The following KCNN2 variants were observed in gnomAD, a reference collection of about 807,000 sequenced individuals.
KCNN2 encodes potassium calcium-activated channel subfamily N member 2, also known as small conductance calcium-activated potassium channel protein 2.
A neutral mutation model predicts 55.5 loss-of-function variants in KCNN2; 24 were observed. The observed-to-expected ratio is 0.43, with a 90% CI of 0.31 to 0.61. KCNN2 has a LOEUF of 0.61. Among genes scored for constraint, KCNN2 ranks in the 20% least tolerant of loss-of-function variants. The pLI is 0.08. For missense variants in KCNN2, 754 were observed against 853.6 expected, an observed-to-expected ratio of 0.88 and a Z score of 1.45; for synonymous variants, 431 against 336.1, an observed-to-expected ratio of 1.28 and a Z score of -3.09.
chr5:114,349,238 G>T (rs368229075), intron 2 of KCNN2, among the ~76,000 whole-genome samples: 1 of 151,974 alleles, frequency 6.6e-6, no homozygotes, highest in African/African-American at 2.4e-5. Context: ...GACTTCATTG[G>T]TTTTTACTGG....
chr5:114,107,206 T>C (rs1167423983), intron 1 of KCNN2, among the ~76,000 whole-genome samples: 1 of 152,110 alleles, frequency 6.6e-6, no homozygotes, highest in Non-Finnish European at 1.5e-5. Flanking sequence ...TAATCATACA[T>C]GTTTGAGGCT....
At chr5:114,260,297 C>T (rs1273768612) in intron 2 of KCNN2, among the ~76,000 whole-genome samples, 1 of 152,196 alleles carries the variant, frequency 6.6e-6, no homozygotes, top group African/African-American at 2.4e-5. Flanking sequence ...ATATCAGTGC[C>T]ATTCCCTGGC....
In KCNN2 at chr5:114,246,579, A is replaced by C. The variant is rs571456556; in HGVS notation, c.-185+25014A>C. Among the ~76,000 whole-genome samples, 6 of 151,790 alleles carry C rather than the reference A, an allele frequency of 4.0e-5. No individual in the cohort carries two copies. In the East Asian group the frequency reaches 1.2e-3, roughly 29 times the overall value. Reference sequence around the variant, plus strand: ...ACATTACCATTATATAAAAGTAAAAAAACTAACATTGGTATCGTACTTTTA... The same window carrying C: ...ACATTACCATTATATAAAAGTAAAACAACTAACATTGGTATCGTACTTTTA... On this transcript the variant is annotated intron_variant, in intron 2 of 10. Transcript: ENST00000512097.
chr5:114,063,499 C>G (rs1750375009), intron 1 of KCNN2, among the ~76,000 whole-genome samples: 2 of 152,054 alleles, frequency 1.3e-5, no homozygotes, highest in South Asian at 4.2e-4. Flanking sequence ...AGAGAACCAC[C>G]CCCCCTCCAA....
At position 114,479,448 on chromosome 5, in the gene KCNN2, C is replaced by T. The variant is rs1306479256; in HGVS notation, c.1890+6284C>T. ...GGACCTACAAAGAGACATTGACTTC[C>T]ACACAATAATAGGAGACTTTAATAC... On this transcript the variant is annotated intron_variant, in intron 5 of 7. Transcript: ENST00000673685. Among the ~76,000 whole-genome samples, 22 of 152,158 alleles carry T rather than the reference C, an allele frequency of 1.4e-4. 1 individual carries two copies. Among genetic ancestry groups the T allele is most frequent in the Admixed American group, 1.4e-3 (22 of 15,270 alleles).
At chr5:114,454,294 T>C (rs1188526635) in intron 3 of KCNN2, among the ~76,000 whole-genome samples, 2 of 152,130 alleles carry the variant, frequency 1.3e-5, no homozygotes, top group Non-Finnish European at 2.9e-5. Context: ...CTTTCTTTCT[T>C]CCTCCCTCCT....
At chr5:114,423,016 T>G (rs143252400) in intron 3 of KCNN2, among the ~76,000 whole-genome samples, 234 of 152,352 alleles carry the variant, frequency 1.5e-3, no homozygotes, top group African/African-American at 5.4e-3. Flanking sequence ...TCCCAGCACA[T>G]AAGCTGGCAC....
chr5:114,469,745 T>C (rs1761631040), intron 4 of KCNN2, among the ~76,000 whole-genome samples: 1 of 152,206 alleles, frequency 6.6e-6, no homozygotes, highest in Admixed American at 6.5e-5. Context: ...ACCATGAATA[T>C]GTTGGCAGGA....
chr5:114,182,817 A>G (rs1237628797), intron 1 of KCNN2, among the ~76,000 whole-genome samples: 3 of 152,128 alleles, frequency 2.0e-5, no homozygotes, highest in African/African-American at 4.8e-5. Context: ...GCATATAGTG[A>G]TAGTTTTACT....
intron 1 of KCNN2, among the ~76,000 whole-genome samples, chr5:114,098,483 A>G (rs929687985): frequency 6.6e-6 from 1 of 152,074 alleles, no homozygotes; most frequent in Admixed American, 6.6e-5. Context: ...AGATTCTCAC[A>G]GGAACATGAA....
chr5:114,107,803 C>T (rs948503848), intron 1 of KCNN2, among the ~76,000 whole-genome samples: 3 of 151,998 alleles, frequency 2.0e-5, no homozygotes, highest in Non-Finnish European at 2.9e-5. Flanking sequence ...AATTTGGAAT[C>T]AATTGACAAC....
intron 2 of KCNN2, among the ~76,000 whole-genome samples, chr5:114,302,891 T>G (rs1380711342): frequency 6.6e-6 from 1 of 152,148 alleles, no homozygotes; most frequent in East Asian, 1.9e-4. Flanking sequence ...AGGAGAGAGA[T>G]AACACAAGCC....
chr5:114,269,549 C>A (rs1260891295), intron 2 of KCNN2, among the ~76,000 whole-genome samples: 1 of 149,646 alleles, frequency 6.7e-6, no homozygotes, highest in East Asian at 2.0e-4. Context: ...GACTCTAGAA[C>A]TGCTGAACAC....
intron 4 of KCNN2, among the ~76,000 whole-genome samples, chr5:114,470,135 C>G (rs548466269): frequency 3.1e-4 from 47 of 152,204 alleles, no homozygotes; most frequent in Non-Finnish European, 4.7e-4. Flanking sequence ...AAGAATGGAG[C>G]CTGAGAATAA....
intron 2 of KCNN2, among the ~76,000 whole-genome samples, chr5:114,266,991 CCTTTTTT>C (rs1230023603): frequency 1.0e-4 from 11 of 108,778 alleles, no homozygotes; most frequent in Non-Finnish European, 1.6e-4. Context: ...CCCCTTCCCT[CCTTTTTT>C]TTTTTTTTTT....
chr5:114,131,187 T>G (rs1752064381), intron 1 of KCNN2, among the ~76,000 whole-genome samples: 2 of 152,284 alleles, frequency 1.3e-5, no homozygotes, highest in African/African-American at 4.8e-5. Context: ...GTTAAATAGG[T>G]AAACACATAC....
rs992686906 is a variant in KCNN2 at position 114,383,474 on chromosome 5, T to G, written c.1218+19473T>G. Among the ~76,000 whole-genome samples, 3 of 78,916 alleles carry G rather than the reference T, an allele frequency of 3.8e-5. No individual in the cohort carries two copies. In the Admixed American group the frequency reaches 4.3e-4, roughly 11 times the overall value. The allele number at this position is 78,916 out of a possible 152,430, so 51.8% of individuals were successfully genotyped here. On this transcript the variant is annotated intron_variant, in intron 2 of 7. Coordinates refer to ENST00000673685, the MANE Select transcript of KCNN2 (RefSeq NM_021614.4). ...AAGCCCCACTAAATGCTTTTTTTTTTTTTTTTTTTTTTTTGAGGCAGTCTT... is the reference window on the plus strand; with the variant it reads ...AAGCCCCACTAAATGCTTTTTTTTTGTTTTTTTTTTTTTTGAGGCAGTCTT...
At chr5:114,425,090 G>A (rs560061502) in intron 3 of KCNN2, among the ~76,000 whole-genome samples, 3 of 152,192 alleles carry the variant, frequency 2.0e-5, no homozygotes, top group Non-Finnish European at 4.4e-5. Flanking sequence ...ATAAAGTTAT[G>A]TATGAAAGGC....
At chr5:114,422,507 A>G (rs1228644370) in intron 3 of KCNN2, among the ~76,000 whole-genome samples, 1 of 152,166 alleles carries the variant, frequency 6.6e-6, no homozygotes, top group African/African-American at 2.4e-5. Flanking sequence ...TCTGTTTTAT[A>G]TAAGCCAGTC....
Sources: gnomAD v4.1 joint callset for allele counts (sites outside exome capture counted in the v4.1 genomes callset) on GRCh38, gnomAD v4.1.1 for gene constraint, MANE v1.5 for transcripts, NCBI Gene and HGNC (gene_info 2026-07-23, HGNC 2026-07-21) for gene names.